Variants in CTNND2 observed in about 807,000 individuals in gnomAD.
CTNND2 encodes catenin delta 2.
In CTNND2, 22 loss-of-function variants were observed where a neutral mutation model predicts 144.4. The observed-to-expected ratio is 0.15, with a 90% confidence interval of 0.11 to 0.22. CTNND2 has a LOEUF of 0.22. Ranked by LOEUF, CTNND2 falls within the 10% of genes least tolerant of loss-of-function variation. CTNND2 has a pLI of 1.00. For synonymous variants in CTNND2, 751 were observed against 695.6 expected (o/e 1.08, Z -1.25); for missense variants, 1,353 against 1,618.8 (o/e 0.84, Z 2.82).
At chr5:11,794,077 T>C (rs561143472) in intron 1 of CTNND2, among the ~76,000 whole-genome samples, 3 of 152,364 alleles carry the variant, frequency 2.0e-5, no homozygotes, top group African/African-American at 4.8e-5. Flanking sequence ...CATGTCAGTG[T>C]ACCATATCAC....
At position 11,283,929 on chromosome 5, in the gene CTNND2, G is replaced by A. The variant is rs150706487; in HGVS notation, c.1629-47106C>T. On this transcript the variant is annotated intron_variant, in intron 9 of 21. Coordinates refer to ENST00000304623, the MANE Select transcript of CTNND2 (RefSeq NM_001332.4). ...TGTGGTTCTGTTCACGTCGTCTGAC[G>A]TGTATTGTGTTTTTCCCTTGTCCAG... 3.3e-5 allele frequency among the ~76,000 whole-genome samples: 5 copies of A among 152,258 alleles called. No homozygotes were observed. The East Asian group carries it at 5.8e-4, about 18-fold the overall frequency.
chr5:11,168,480 C>G (rs937415402), intron 11 of CTNND2, among the ~76,000 whole-genome samples: 1 of 152,124 alleles, frequency 6.6e-6, no homozygotes, highest in Admixed American at 6.5e-5. Flanking sequence ...ATTTCTCAGG[C>G]CCCAAGAGAT....
rs139049610 is a variant in CTNND2, at chr5:11,643,924, T to C, written c.175-78868A>G. Among the ~76,000 whole-genome samples, 23 of 152,306 alleles carry C rather than the reference T, an allele frequency of 1.5e-4. No individual in the cohort carries two copies. The East Asian group carries it at 4.2e-3, about 28-fold the overall frequency. ...TTCCCAGTCATTACTATTATTCATT[T>C]GACTTCATATTTATTAATGAAAATA... On this transcript the variant is annotated intron_variant, in intron 2 of 21. Coordinates refer to ENST00000304623, the MANE Select transcript of CTNND2 (RefSeq NM_001332.4).
At chr5:11,476,408 T>A (rs76462611) in intron 3 of CTNND2, among the ~76,000 whole-genome samples, 2,735 of 152,250 alleles carry the variant, frequency 0.018, 39 homozygotes, top group Non-Finnish European at 0.03. Flanking sequence ...GCAAGATAGG[T>A]ATTATTATTC....
chr5:11,546,914 C>A (rs898163438), intron 3 of CTNND2, among the ~76,000 whole-genome samples: 2 of 151,778 alleles, frequency 1.3e-5, no homozygotes, highest in African/African-American at 2.4e-5. Flanking sequence ...AGCTACTTTA[C>A]GTGAAAAAAA....
chr5:11,408,410 C>G (rs192977105), intron 5 of CTNND2, among the ~76,000 whole-genome samples: 42 of 152,208 alleles, frequency 2.8e-4, no homozygotes, highest in Non-Finnish European at 5.9e-4. Flanking sequence ...CAAGGTGACT[C>G]TGAATATGTT....
At chr5:11,709,169 C>T (rs1442653707) in intron 2 of CTNND2, among the ~76,000 whole-genome samples, 1 of 152,106 alleles carries the variant, frequency 6.6e-6, no homozygotes, top group Admixed American at 6.5e-5. Flanking sequence ...TGTGACACAC[C>T]CGGCTACTGA....
At chr5:11,256,992 C>G (rs1310036549) in intron 9 of CTNND2, among the ~76,000 whole-genome samples, 1 of 152,172 alleles carries the variant, frequency 6.6e-6, no homozygotes, top group African/African-American at 2.4e-5. Context: ...TGTCAAATGT[C>G]CCCTGGGGAG....
chr5:11,045,950 G>C (rs868259096), intron 16 of CTNND2, among the ~76,000 whole-genome samples: 1 of 152,012 alleles, frequency 6.6e-6, no homozygotes, highest in Admixed American at 6.6e-5. Flanking sequence ...CTCCTTGGTG[G>C]TTTTAACCAG....
At chr5:11,648,665 C>G (rs1405430835) in intron 2 of CTNND2, among the ~76,000 whole-genome samples, 1 of 152,130 alleles carries the variant, frequency 6.6e-6, no homozygotes, top group African/African-American at 2.4e-5. Context: ...TTTATTCTCT[C>G]ATGATCTATA....
chr5:11,280,736 T>C (rs1411166645), intron 9 of CTNND2, among the ~76,000 whole-genome samples: 1 of 152,184 alleles, frequency 6.6e-6, no homozygotes, highest in African/African-American at 2.4e-5. Context: ...ACACACACAC[T>C]TGGCAATCCC....
intron 15 of CTNND2, among the ~76,000 whole-genome samples, chr5:11,092,067 A>G (rs1750833085): frequency 6.6e-6 from 1 of 151,998 alleles, no homozygotes. Flanking sequence ...TCTTCATACC[A>G]TGGCTTGGAA....
At chr5:11,159,014 G>A (rs1181763443) in intron 12 of CTNND2, among the ~76,000 whole-genome samples, 1 of 152,092 alleles carries the variant, frequency 6.6e-6, no homozygotes, top group Non-Finnish European at 1.5e-5. Flanking sequence ...TGTGAAAAAC[G>A]CATCAGGAGA....
intron 21 of CTNND2, among the ~76,000 whole-genome samples, chr5:10,980,793 C>T (rs1038090848): frequency 1.4e-4 from 21 of 151,950 alleles, no homozygotes; most frequent in Non-Finnish European, 5.9e-5. Context: ...GAAACTATCA[C>T]AAGAACAGAA....
chr5:11,375,722 G>A (rs1404362252), intron 7 of CTNND2, among the ~76,000 whole-genome samples: 1 of 152,110 alleles, frequency 6.6e-6, no homozygotes. Flanking sequence ...AGATAATACT[G>A]TTAAACAACC....
chr5:11,578,101 C>T (rs977713020), intron 2 of CTNND2, among the ~76,000 whole-genome samples: 2 of 152,012 alleles, frequency 1.3e-5, no homozygotes, highest in Non-Finnish European at 1.5e-5. Context: ...TCACCCATTC[C>T]GTGTGTTATT....
chr5:11,731,515 CTCTT>C (rs1194655078), intron 2 of CTNND2, among the ~76,000 whole-genome samples: 1 of 152,130 alleles, frequency 6.6e-6, no homozygotes, highest in Non-Finnish European at 1.5e-5. Flanking sequence ...TCGTCCAGCT[CTCTT>C]TATTTACTAC....
intron 1 of CTNND2, among the ~76,000 whole-genome samples, chr5:11,877,579 T>A (rs1735659497): frequency 6.6e-6 from 1 of 152,178 alleles, no homozygotes; most frequent in East Asian, 1.9e-4. Flanking sequence ...TTGAATACGC[T>A]TGAAGATTAA....
At chr5:11,696,979 A>G (rs575099985) in intron 2 of CTNND2, among the ~76,000 whole-genome samples, 1 of 151,950 alleles carries the variant, frequency 6.6e-6, no homozygotes, top group Non-Finnish European at 1.5e-5. Context: ...GCTATTTTAA[A>G]TGATAGATAT....
Sources: gnomAD v4.1 joint callset for allele counts (sites outside exome capture counted in the v4.1 genomes callset) on GRCh38, gnomAD v4.1.1 for gene constraint, MANE v1.5 for transcripts, NCBI Gene and HGNC (gene_info 2026-07-23, HGNC 2026-07-21) for gene names.